SLC25A48: variants seen among roughly 807,000 people sequenced by gnomAD.
SLC25A48 encodes the protein CTC-321K16.1.
Under a neutral mutation model 32.2 loss-of-function variants are expected in SLC25A48, and 29 were observed. The ratio of observed to expected loss-of-function variants is 0.90; its 90% confidence interval spans 0.67 to 1.23. The LOEUF is 1.23. Ranked by LOEUF, SLC25A48 falls within the 50% of genes most tolerant of loss-of-function variation. The pLI is 0.00. For synonymous variants in SLC25A48, 164 were observed against 172.3 expected, an observed-to-expected ratio of 0.95 and a Z score of 0.38; for missense variants, 399 against 422.7, an observed-to-expected ratio of 0.94 and a Z score of 0.49.
chr5:135,634,257 G>T (rs919229663), intron 2 of SLC25A48, among the ~76,000 whole-genome samples: 3 of 152,230 alleles, frequency 2.0e-5, no homozygotes, highest in Non-Finnish European at 4.4e-5. Context: ...GACGATGCTG[G>T]CACAGGGTCC....
intron 3 of SLC25A48, among the ~76,000 whole-genome samples, chr5:135,765,184 C>T (rs1026559103): frequency 1.3e-5 from 2 of 151,166 alleles, no homozygotes; most frequent in Non-Finnish European, 1.5e-5. Context: ...GCGGGGTGTA[C>T]ACCCCTCTGT....
At chr5:135,881,308 C>T (rs570086424) in intron 7 of SLC25A48, among the ~76,000 whole-genome samples, 16 of 152,332 alleles carry the variant, frequency 1.1e-4, no homozygotes, top group Admixed American at 5.2e-4. Flanking sequence ...CTGCCTCCCC[C>T]GTGAGCTGGC....
intron 3 of SLC25A48, among the ~76,000 whole-genome samples, chr5:135,767,110 G>A (rs1346293795): frequency 7.4e-6 from 1 of 134,640 alleles, no homozygotes; most frequent in Non-Finnish European, 1.6e-5. Context: ...CGCTGGGGGT[G>A]TACATTCCCT....
intron 2 of SLC25A48, among the ~76,000 whole-genome samples, chr5:135,849,442 C>T (rs1006984828): frequency 4.6e-5 from 7 of 152,296 alleles, no homozygotes; most frequent in Non-Finnish European, 8.8e-5. Flanking sequence ...GGGTACTCTT[C>T]GGTGGGCTTA....
intron 3 of SLC25A48, among the ~76,000 whole-genome samples, chr5:135,720,358 C>G (rs548828053): frequency 6.6e-6 from 1 of 152,310 alleles, no homozygotes; most frequent in African/African-American, 2.4e-5. Context: ...GGCCCAGGCC[C>G]TTTGTGAAAG....
intron 6 of SLC25A48, among the ~76,000 whole-genome samples, chr5:135,879,567 G>A (rs1410866018): frequency 1.3e-5 from 2 of 150,998 alleles, no homozygotes; most frequent in African/African-American, 4.9e-5. Flanking sequence ...TCTACTCAGG[G>A]CTTCTAGATT....
intron 7 of SLC25A48, among the ~76,000 whole-genome samples, chr5:135,886,671 TGTGAGA>T (rs372633754): frequency 0.1 from 10,085 of 98,582 alleles, 784 homozygotes; most frequent in Non-Finnish European, 0.12. Context: ...TGTGTGTGTG[TGTGAGA>T]GAGAGAGAGA....
intron 4 of SLC25A48, chr5:135,827,522 A>C (rs900626167): frequency 6.6e-6 from 1 of 152,232 alleles, no homozygotes; most frequent in Non-Finnish European, 1.5e-5. Context: ...AGTATGAAGA[A>C]ATAAAGGTAC....
intron 1 of SLC25A48, among the ~76,000 whole-genome samples, chr5:135,604,794 A>AGCG (rs1751891791): frequency 6.6e-6 from 1 of 152,076 alleles, no homozygotes; most frequent in African/African-American, 2.4e-5. Flanking sequence ...CAAAGTCCAC[A>AGCG]GCAGCAGCCC....
At chr5:135,717,024 A>G (rs1434888984) in intron 3 of SLC25A48, among the ~76,000 whole-genome samples, 1 of 151,930 alleles carries the variant, frequency 6.6e-6, no homozygotes, top group Admixed American at 6.5e-5. Context: ...TTTTTTTGCA[A>G]CCCCCAAGCA....
intron 3 of SLC25A48, among the ~76,000 whole-genome samples, chr5:135,715,478 C>T (rs1217568421): frequency 6.6e-6 from 1 of 152,124 alleles, no homozygotes; most frequent in Non-Finnish European, 1.5e-5. Context: ...CCTTTCCCAC[C>T]CCACCCCTTT....
intron 3 of SLC25A48, among the ~76,000 whole-genome samples, chr5:135,750,913 G>T (rs1755755499): frequency 6.6e-6 from 1 of 152,060 alleles, no homozygotes; most frequent in African/African-American, 2.4e-5. Flanking sequence ...TGGCTCTCCT[G>T]CAATCACTAG....
chr5:135,815,224 T>C (rs887029811), intron 4 of SLC25A48, among the ~76,000 whole-genome samples: 1 of 152,072 alleles, frequency 6.6e-6, no homozygotes, highest in African/African-American at 2.4e-5. Context: ...GAAGGCATGG[T>C]TGTGGGATGA....
At chr5:135,667,782 A>T (rs1276619061) in intron 3 of SLC25A48, among the ~76,000 whole-genome samples, 1 of 152,238 alleles carries the variant, frequency 6.6e-6, no homozygotes, top group Admixed American at 6.5e-5. Context: ...CTGTCATTTA[A>T]AAGTTCTGTC....
rs570909625 is a variant in SLC25A48 at position 135,842,897 on chromosome 5, C to A, written c.90+438C>A. On this transcript the variant is annotated intron_variant, in intron 2 of 7. Coordinates refer to ENST00000681962, the MANE Select transcript of SLC25A48 (RefSeq NM_001349336.2). Reference sequence around the variant, plus strand: ...CCCTGCACCCGTCCCCAGTGGTGAGCAGAATTTAGAGCTATGCTCTGGGAA... The same window carrying A: ...CCCTGCACCCGTCCCCAGTGGTGAGAAGAATTTAGAGCTATGCTCTGGGAA... Among the ~76,000 whole-genome samples the A allele has an allele frequency of 9.2e-5, 14 of 152,346 alleles. No homozygotes were observed. In the East Asian group the frequency reaches 2.7e-3, roughly 29 times the overall value.
intron 3 of SLC25A48, among the ~76,000 whole-genome samples, chr5:135,851,253 C>T (rs956053910): frequency 2.6e-5 from 4 of 152,142 alleles, no homozygotes; most frequent in African/African-American, 7.2e-5. Flanking sequence ...AGTTTTCCCA[C>T]GGATGAAGTG....
In SLC25A48 at chr5:135,744,257, C is replaced by T. The variant is rs138303762; in HGVS notation, c.-520-68266C>T. Among the ~76,000 whole-genome samples, 21 of 152,286 alleles carry T rather than the reference C, an allele frequency of 1.4e-4. No individual in the cohort carries two copies. In the East Asian group the frequency reaches 4.1e-3, roughly 29 times the overall value. On this transcript the variant is annotated intron_variant, in intron 3 of 10. Transcript: ENST00000646290. Reference sequence around the variant, plus strand: ...CAGGCCACAGACATTTCTGTGTTTTCCAGAGCATGCCCTCAAGCTCTGGCT... The same window carrying T: ...CAGGCCACAGACATTTCTGTGTTTTTCAGAGCATGCCCTCAAGCTCTGGCT...
chr5:135,887,161 A>G (rs1260636399), intron 7 of SLC25A48, among the ~76,000 whole-genome samples: 1 of 152,198 alleles, frequency 6.6e-6, no homozygotes, highest in East Asian at 1.9e-4. Context: ...CATAAATAAC[A>G]TTCTATGAAA....
chr5:135,706,659 T>G (rs1049935328), intron 3 of SLC25A48, among the ~76,000 whole-genome samples: 1 of 151,986 alleles, frequency 6.6e-6, no homozygotes, highest in Non-Finnish European at 1.5e-5. Context: ...GCTGCCTGGA[T>G]GCCCAGAAGC....
Sources: allele counts gnomAD v4.1 joint callset (sites outside exome capture counted in the v4.1 genomes callset), GRCh38; gene constraint gnomAD v4.1.1; transcripts MANE v1.5; gene names NCBI Gene and HGNC (gene_info 2026-07-23, HGNC 2026-07-21).